VMP1: variants seen among roughly 807,000 people sequenced by gnomAD.
The protein encoded by VMP1 is vacuole membrane protein 1.
In VMP1, 11 loss-of-function variants were observed where a neutral mutation model predicts 56.0. That is an observed-to-expected ratio of 0.20 (90% CI 0.12 to 0.32). The LOEUF is 0.32. VMP1 is among the 10% of genes least tolerant of loss of function. The pLI is 1.00. For synonymous variants in VMP1, 149 were observed against 165.0 expected, an observed-to-expected ratio of 0.90 and a Z score of 0.74; for missense variants, 296 against 490.3, an observed-to-expected ratio of 0.60 and a Z score of 3.74.
chr17:59,734,658 A>C (rs1451891849), intron 2 of VMP1, among the ~76,000 whole-genome samples: 1 of 152,120 alleles, frequency 6.6e-6, no homozygotes, highest in African/African-American at 2.4e-5. Context: ...ACTTGACCCC[A>C]AGAGTTGGAG....
intron 7 of VMP1, among the ~76,000 whole-genome samples, chr17:59,807,726 G>A (rs1209971078): frequency 3.3e-5 from 5 of 151,152 alleles, no homozygotes; most frequent in Non-Finnish European, 2.9e-5. Flanking sequence ...CAGCTACTGG[G>A]AAGGCTGAGG....
chr17:59,798,457 CT>C (rs1568168419), intron 7 of VMP1, among the ~76,000 whole-genome samples: 1 of 152,180 alleles, frequency 6.6e-6, no homozygotes, highest in South Asian at 2.1e-4. Flanking sequence ...TTTTTTTAAA[CT>C]GTAGCCAACA....
chr17:59,738,247 G>C (rs2777898), intron 4 of VMP1, among the ~76,000 whole-genome samples: 62,774 of 152,036 alleles, frequency 0.41, 14,779 homozygotes, highest in Non-Finnish European at 0.53. Flanking sequence ...TCATTTGCCT[G>C]TAGTCTACAT....
intron 7 of VMP1, among the ~76,000 whole-genome samples, chr17:59,796,430 G>A (rs993261357): frequency 1.3e-5 from 2 of 152,120 alleles, no homozygotes; most frequent in African/African-American, 4.8e-5. Context: ...ATGTATGAAC[G>A]AATCACTATG....
rs892064740 is a variant in VMP1, at chr17:59,712,401, G to A, written c.-27+4653G>A. On this transcript the variant is annotated intron_variant, in intron 1 of 11. Coordinates refer to ENST00000262291, the MANE Select transcript of VMP1 (RefSeq NM_030938.5). ...TTGGTATTAACAGACTACATTATCT[G>A]TGTAAGCCATAACACAGAATTTGGC... Among the ~76,000 whole-genome samples, 5 of 152,148 alleles carry A rather than the reference G, an allele frequency of 3.3e-5. No individual in the cohort carries two copies. The South Asian group carries it at 1.0e-3, about 32-fold the overall frequency.
intron 7 of VMP1, among the ~76,000 whole-genome samples, chr17:59,796,052 T>C (rs1191377231): frequency 6.6e-6 from 1 of 152,210 alleles, no homozygotes; most frequent in Non-Finnish European, 1.5e-5. Flanking sequence ...TTTATCTTTC[T>C]TGTTTTTGCT....
chr17:59,749,677 G>A (rs865992367), intron 5 of VMP1, among the ~76,000 whole-genome samples: 48 of 151,580 alleles, frequency 3.2e-4, no homozygotes, highest in African/African-American at 1.1e-3. Context: ...CACCTGGCTA[G>A]TTTTTGTAGT....
At chr17:59,739,829 A>T (rs2035159295) in intron 5 of VMP1, among the ~76,000 whole-genome samples, 2 of 150,746 alleles carry the variant, frequency 1.3e-5, no homozygotes, top group Admixed American at 1.3e-4. Flanking sequence ...TAATCCCAGC[A>T]CTTTGGGAGG....
intron 5 of VMP1, among the ~76,000 whole-genome samples, chr17:59,753,510 A>G (rs1485377228): frequency 6.6e-6 from 1 of 152,166 alleles, no homozygotes. Flanking sequence ...TGATTAAAGA[A>G]CCATTTGTAA....
chr17:59,711,396 T>C (rs2033928317), intron 1 of VMP1, among the ~76,000 whole-genome samples: 4 of 140,380 alleles, frequency 2.8e-5, no homozygotes, highest in Non-Finnish European at 3.3e-5. Context: ...CCTTGCTGTG[T>C]CTCCCATTTT....
At chr17:59,800,030 G>A (rs2037583793) in intron 7 of VMP1, among the ~76,000 whole-genome samples, 1 of 150,852 alleles carries the variant, frequency 6.6e-6, no homozygotes. Context: ...TAGTGATATT[G>A]TTGAGGAAGT....
Position 59,775,864 on chromosome 17 carries a change from CAG to C in VMP1, c.714+1982_714+1983del, listed in dbSNP as rs370084167. ...TCAGCCTCTATCTCAGTTATCTCAACAGAGTGTTTTGTTTTCAGGAAAATTCC... is the reference window on the plus strand; with the variant it reads ...TCAGCCTCTATCTCAGTTATCTCAACAGTGTTTTGTTTTCAGGAAAATTCC... On this transcript the variant is annotated intron_variant, in intron 7 of 11. Coordinates refer to ENST00000262291, the MANE Select transcript of VMP1 (RefSeq NM_030938.5). Among the ~76,000 whole-genome samples the C allele has an allele frequency of 3.6e-3, 552 of 152,276 alleles. 7 individuals are homozygous for C. The highest frequency in any genetic ancestry group is 0.02 in the Middle Eastern group (6 of 294).
In VMP1 at chr17:59,773,896, T is replaced by C; in HGVS notation, c.714+11T>C. ...GCAGAGTCTGCACAAGTAAGAACAGTGGGGATAGAAAATAGAACACTTTAC... is the reference window on the plus strand; with the variant it reads ...GCAGAGTCTGCACAAGTAAGAACAGCGGGGATAGAAAATAGAACACTTTAC... On this transcript the variant is annotated intron_variant, in intron 7 of 11. Transcript: ENST00000262291. The C allele has an allele frequency of 6.3e-7, 1 of 1,593,228 alleles. No homozygotes were observed. Among genetic ancestry groups the C allele is most frequent in the Non-Finnish European group, 8.5e-7 (1 of 1,171,088 alleles).
At chr17:59,807,223 G>A (rs146830326) in intron 7 of VMP1, among the ~76,000 whole-genome samples, 5,012 of 146,702 alleles carry the variant, frequency 0.034, 333 homozygotes, top group African/African-American at 0.12. Flanking sequence ...TTGAGACGGA[G>A]TCTCGCTCTT....
At chr17:59,832,573 A>ATTTGTTTTGTTTTGTTTTGT (rs71145579) in intron 10 of VMP1, among the ~76,000 whole-genome samples, 13 of 146,134 alleles carry the variant, frequency 8.9e-5, no homozygotes, top group African/African-American at 1.5e-4. Flanking sequence ...AATTGTAGTT[A>ATTTGTTTTGTTTTGTTTTGT]TTTGTTTTGT....
chr17:59,712,141 A>G (rs1266404299), intron 1 of VMP1, among the ~76,000 whole-genome samples: 1 of 152,198 alleles, frequency 6.6e-6, no homozygotes, highest in Non-Finnish European at 1.5e-5. Context: ...ATAGTTAACC[A>G]TGATTGTGAT....
At chr17:59,741,544 TG>T (rs1478222008) in intron 5 of VMP1, among the ~76,000 whole-genome samples, 1 of 152,164 alleles carries the variant, frequency 6.6e-6, no homozygotes, top group Non-Finnish European at 1.5e-5. Context: ...ATCAAGAGTG[TG>T]GTACGTTATT....
In VMP1 at chr17:59,840,117, C is replaced by T. The variant is rs1203829774; in HGVS notation, c.*206C>T. ...AGGTATCCACCCTCGATGCAATCCACCTTGTGTTTTCTTAGGGTGGAATGT... is the reference window on the plus strand; with the variant it reads ...AGGTATCCACCCTCGATGCAATCCATCTTGTGTTTTCTTAGGGTGGAATGT... On this transcript the variant is annotated 3_prime_UTR_variant, in exon 12 of 12. Transcript: ENST00000262291. 6 of 554,790 alleles carry T rather than the reference C, an allele frequency of 1.1e-5. No homozygotes were observed. Among genetic ancestry groups the T allele is most frequent in the African/African-American group, 2.0e-5 (1 of 50,680 alleles). 34.4% of individuals were successfully genotyped at this position (554,790 alleles called of 1,614,324 possible).
intron 10 of VMP1, 37 bp from the exon 11 acceptor site, chr17:59,838,258 G>T: frequency 1.3e-6 from 2 of 1,567,072 alleles, no homozygotes; most frequent in Non-Finnish European, 1.8e-6. Flanking sequence ...CTTCCCAAAT[G>T]TGTCTTTTTC....
Sources: gnomAD v4.1 joint callset for allele counts (sites outside exome capture counted in the v4.1 genomes callset) on GRCh38, gnomAD v4.1.1 for gene constraint, MANE v1.5 for transcripts, NCBI Gene and HGNC (gene_info 2026-07-23, HGNC 2026-07-21) for gene names.